CSMD1: variants seen among roughly 807,000 people sequenced by gnomAD.
CSMD1 encodes CUB and sushi domain-containing protein 1.
Under a neutral mutation model 417.5 loss-of-function variants are expected in CSMD1, and 213 were observed. The observed-to-expected ratio is 0.51, with a 90% confidence interval of 0.46 to 0.57. CSMD1 has a LOEUF of 0.57. CSMD1 is among the 20% of genes least tolerant of loss of function. CSMD1 has a pLI of 0.00. For missense variants in CSMD1, 6,923 were observed against 4,529.7 expected, an observed-to-expected ratio of 1.53 and a Z score of -15.17; for synonymous variants, 2,862 against 1,736.8, an observed-to-expected ratio of 1.65 and a Z score of -16.11.
chr8:3,935,044 C>T (rs1328777713), intron 5 of CSMD1, among the ~76,000 whole-genome samples: 2 of 152,132 alleles, frequency 1.3e-5, no homozygotes, highest in Non-Finnish European at 2.9e-5. Flanking sequence ...AGTCTCGTTT[C>T]TTTTGCATTG....
chr8:4,592,407 G>A (rs1045969211), intron 2 of CSMD1, among the ~76,000 whole-genome samples: 1 of 151,772 alleles, frequency 6.6e-6, no homozygotes, highest in East Asian at 1.9e-4. Flanking sequence ...TTGTTTTTGA[G>A]GTGGAGTCTT....
intron 2 of CSMD1, among the ~76,000 whole-genome samples, chr8:4,438,852 A>G (rs1798299193): frequency 6.6e-6 from 1 of 152,192 alleles, no homozygotes; most frequent in Non-Finnish European, 1.5e-5. Context: ...TATTATCTGA[A>G]TCTGTATCAC....
chr8:4,958,367 C>T (rs973990902), intron 1 of CSMD1, among the ~76,000 whole-genome samples: 1 of 152,014 alleles, frequency 6.6e-6, no homozygotes, highest in African/African-American at 2.4e-5. Context: ...GATCTTTACC[C>T]ACCTATTTTA....
intron 2 of CSMD1, among the ~76,000 whole-genome samples, chr8:4,447,170 C>T (rs970524614): frequency 6.6e-6 from 1 of 152,088 alleles, no homozygotes; most frequent in Non-Finnish European, 1.5e-5. Context: ...AATTATTGAT[C>T]CCATGTTATT....
At chr8:4,298,732 A>G (rs1299707969) in intron 3 of CSMD1, among the ~76,000 whole-genome samples, 1 of 152,086 alleles carries the variant, frequency 6.6e-6, no homozygotes, top group Non-Finnish European at 1.5e-5. Flanking sequence ...TTCCAACTAG[A>G]TGTTAAGAAA....
In CSMD1 at chr8:3,187,542, T is replaced by C. The variant is rs181527410; in HGVS notation, c.5620+327A>G. Among the ~76,000 whole-genome samples the C allele has an allele frequency of 2.2e-3, 328 of 152,262 alleles. 3 individuals carry two copies. Among genetic ancestry groups the C allele is most frequent in the Admixed American group, 5.0e-3 (77 of 15,282 alleles). ...ATGTCAGGCTGTGCATTTTAAGAGT[T>C]GAGAACCGTTTCCTAACCTCTGCCT... On this transcript the variant is annotated intron_variant, in intron 36 of 69. Coordinates refer to ENST00000635120, the MANE Select transcript of CSMD1 (RefSeq NM_033225.6).
chr8:2,952,615 C>T (rs1433063431), intron 65 of CSMD1, among the ~76,000 whole-genome samples: 1 of 152,174 alleles, frequency 6.6e-6, no homozygotes. Flanking sequence ...CAGAGGCCCC[C>T]ATTTTAATCA....
intron 52 of CSMD1, among the ~76,000 whole-genome samples, chr8:3,013,929 C>A (rs1018683479): frequency 3.0e-4 from 46 of 152,064 alleles, no homozygotes; most frequent in Admixed American, 2.9e-3. Flanking sequence ...AAGACTCAGC[C>A]TGAGCATTGC....
At chr8:3,466,502 C>A (rs372563077) in intron 12 of CSMD1, among the ~76,000 whole-genome samples, 2 of 151,780 alleles carry the variant, frequency 1.3e-5, no homozygotes, top group East Asian at 1.9e-4. Flanking sequence ...CTCCACTACC[C>A]GGGTTCAAGC....
At chr8:4,486,121 A>T (rs1801367159) in intron 2 of CSMD1, among the ~76,000 whole-genome samples, 2 of 66,512 alleles carry the variant, frequency 3.0e-5, no homozygotes, top group African/African-American at 7.0e-5. Flanking sequence ...ATATATACAT[A>T]CATATATATA....
chr8:3,555,721 G>C (rs142755940), intron 10 of CSMD1, among the ~76,000 whole-genome samples: 1,655 of 152,226 alleles, frequency 0.011, 27 homozygotes, highest in African/African-American at 0.038. Flanking sequence ...TCATATTTGA[G>C]TTTTCTGTTC....
chr8:4,211,215 T>A (rs79563078), intron 3 of CSMD1, among the ~76,000 whole-genome samples: 9 of 152,122 alleles, frequency 5.9e-5, no homozygotes, highest in Non-Finnish European at 7.4e-5. Context: ...TTTTTTTTTT[T>A]AGCTGGCATA....
intron 3 of CSMD1, among the ~76,000 whole-genome samples, chr8:4,300,870 T>C (rs1797947075): frequency 6.6e-6 from 1 of 152,206 alleles, no homozygotes. Flanking sequence ...GAACTCATCA[T>C]TTTTTATGGC....
chr8:3,722,264 C>T (rs576708140), intron 6 of CSMD1, among the ~76,000 whole-genome samples: 1 of 152,082 alleles, frequency 6.6e-6, no homozygotes, highest in African/African-American at 2.4e-5. Flanking sequence ...GTCGAGATCA[C>T]ACCACTGCAC....
At chr8:4,449,711 G>T (rs1261649183) in intron 2 of CSMD1, among the ~76,000 whole-genome samples, 1 of 152,132 alleles carries the variant, frequency 6.6e-6, no homozygotes, top group Admixed American at 6.5e-5. Context: ...GGAGTATGGG[G>T]AAGAAATGCC....
intron 1 of CSMD1, among the ~76,000 whole-genome samples, chr8:4,790,200 G>C (rs1435530242): frequency 1.3e-5 from 2 of 152,072 alleles, no homozygotes; most frequent in Non-Finnish European, 2.9e-5. Context: ...TCCAAGCTGA[G>C]AGCCAAATCT....
intron 1 of CSMD1, among the ~76,000 whole-genome samples, chr8:4,814,362 C>G (rs1177913543): frequency 6.6e-6 from 1 of 152,196 alleles, no homozygotes; most frequent in Non-Finnish European, 1.5e-5. Context: ...TCTCCTGCCT[C>G]AGTCTCCCGA....
intron 2 of CSMD1, among the ~76,000 whole-genome samples, chr8:4,458,299 C>G (rs1031849999): frequency 3.3e-5 from 5 of 150,542 alleles, no homozygotes; most frequent in Admixed American, 2.6e-4. Context: ...CTTTCTCCCT[C>G]TTTTTTTTTG....
At chr8:3,901,840 A>G (rs1200136252) in intron 5 of CSMD1, among the ~76,000 whole-genome samples, 1 of 152,144 alleles carries the variant, frequency 6.6e-6, no homozygotes, top group African/African-American at 2.4e-5. Flanking sequence ...GCATCCTGAT[A>G]TTACCATGGT....
Sources: gnomAD v4.1 joint callset for allele counts (sites outside exome capture counted in the v4.1 genomes callset) on GRCh38, gnomAD v4.1.1 for gene constraint, MANE v1.5 for transcripts, NCBI Gene and HGNC (gene_info 2026-07-23, HGNC 2026-07-21) for gene names.